The following KIF26B variants were observed in gnomAD, a reference collection of about 807,000 sequenced individuals.
KIF26B encodes the protein kinesin family member 26B.
In KIF26B, 63 loss-of-function variants were observed where a neutral mutation model predicts 151.2. The observed-to-expected ratio is 0.42, with a 90% CI of 0.34 to 0.51. The LOEUF (loss-of-function observed/expected upper bound fraction) is 0.51. Ranked by LOEUF, KIF26B falls within the 20% of genes least tolerant of loss-of-function variation. The pLI, the probability that KIF26B is intolerant of heterozygous loss-of-function variation, is 0.07. For missense variants in KIF26B, 2,813 were observed against 2,913.6 expected (o/e 0.97, Z 0.79); for synonymous variants, 1,357 against 1,262.1 (o/e 1.08, Z -1.59).
At chr1:245,546,220 GTT>G (rs1295064451) in intron 5 of KIF26B, among the ~76,000 whole-genome samples, 3 of 151,196 alleles carry the variant, frequency 2.0e-5, no homozygotes, top group African/African-American at 7.3e-5. Context: ...TGTTTTTTTT[GTT>G]TTTTGTTTTT....
At chr1:245,325,198 G>T (rs1558389415) in intron 2 of KIF26B, among the ~76,000 whole-genome samples, 1 of 151,700 alleles carries the variant, frequency 6.6e-6, no homozygotes, top group Non-Finnish European at 1.5e-5. Context: ...TTCCATATCT[G>T]TGTACCCATG....
chr1:245,470,898 T>C (rs1558179326), intron 4 of KIF26B, among the ~76,000 whole-genome samples: 1 of 151,890 alleles, frequency 6.6e-6, no homozygotes, highest in Admixed American at 6.6e-5. Flanking sequence ...CAATTTCATA[T>C]TCTCTCTCTC....
chr1:245,462,637 G>A (rs1659675639), intron 4 of KIF26B, among the ~76,000 whole-genome samples: 1 of 152,138 alleles, frequency 6.6e-6, no homozygotes, highest in Admixed American at 6.6e-5. Context: ...CCCTGTATCA[G>A]GTACTCCCAA....
chr1:245,677,922 G>T (rs1195267812), intron 10 of KIF26B, among the ~76,000 whole-genome samples: 4 of 152,242 alleles, frequency 2.6e-5, no homozygotes, highest in Non-Finnish European at 5.9e-5. Context: ...GCTGGTGATG[G>T]TTTCCCTTGA....
At chr1:245,440,202 CAG>C (rs1463659271) in intron 4 of KIF26B, among the ~76,000 whole-genome samples, 2 of 150,806 alleles carry the variant, frequency 1.3e-5, no homozygotes, top group African/African-American at 2.4e-5. Context: ...GCCTGGGCGA[CAG>C]AGCCAGACTC....
chr1:245,412,066 TAA>T (rs1248904030), intron 3 of KIF26B, among the ~76,000 whole-genome samples: 3 of 152,218 alleles, frequency 2.0e-5, no homozygotes, highest in African/African-American at 4.8e-5. Context: ...TGGCATATTC[TAA>T]GAGCATAACG....
At chr1:245,302,749 G>C (rs140752528) in intron 2 of KIF26B, among the ~76,000 whole-genome samples, 1 of 152,188 alleles carries the variant, frequency 6.6e-6, no homozygotes, top group East Asian at 1.9e-4. Flanking sequence ...CCAGCACTTT[G>C]GGAGGCCAAG....
At chr1:245,296,198 G>C (rs1671334143) in intron 2 of KIF26B, among the ~76,000 whole-genome samples, 1 of 150,846 alleles carries the variant, frequency 6.6e-6, no homozygotes, top group Non-Finnish European at 1.5e-5. Flanking sequence ...TTATGGGCTA[G>C]GATATTTACC....
chr1:245,424,150 T>G (rs1393219945), intron 4 of KIF26B, among the ~76,000 whole-genome samples: 1 of 151,948 alleles, frequency 6.6e-6, no homozygotes, highest in East Asian at 1.9e-4. Flanking sequence ...GGCCTAAAAT[T>G]TATTCATTTA....
intron 3 of KIF26B, among the ~76,000 whole-genome samples, chr1:245,385,986 C>T (rs574459245): frequency 5.9e-5 from 9 of 152,104 alleles, no homozygotes; most frequent in African/African-American, 1.4e-4. Flanking sequence ...AGCTATTAAC[C>T]GGTGCAGAGA....
chr1:245,675,971 A>G (rs1380147894), intron 10 of KIF26B, among the ~76,000 whole-genome samples: 2 of 152,166 alleles, frequency 1.3e-5, no homozygotes, highest in African/African-American at 2.4e-5. Context: ...CACAGGCTGT[A>G]CTGGGATATG....
intron 5 of KIF26B, among the ~76,000 whole-genome samples, chr1:245,586,869 G>C (rs1348086659): frequency 6.7e-6 from 1 of 148,334 alleles, no homozygotes; most frequent in Non-Finnish European, 1.5e-5. Flanking sequence ...GTCCGGCCTG[G>C]GTGACAGAGC....
intron 10 of KIF26B, among the ~76,000 whole-genome samples, chr1:245,677,019 G>T (rs1281948891): frequency 2.6e-5 from 4 of 152,210 alleles, no homozygotes; most frequent in Non-Finnish European, 5.9e-5. Context: ...CTCAAATGAT[G>T]CTGCTTGCAC....
chr1:245,480,275 G>GC (rs965908054), intron 4 of KIF26B, among the ~76,000 whole-genome samples: 5 of 106,198 alleles, frequency 4.7e-5, no homozygotes, highest in African/African-American at 1.5e-4. Context: ...ACCCTGTCTC[G>GC]GGGGGGAGGA....
At chr1:245,546,187 TTTTG>T (rs1328976051) in intron 5 of KIF26B, among the ~76,000 whole-genome samples, 10 of 152,242 alleles carry the variant, frequency 6.6e-5, no homozygotes, top group African/African-American at 2.2e-4. Flanking sequence ...TACTGTGGTT[TTTTG>T]TTTGTTTGGT....
intron 5 of KIF26B, among the ~76,000 whole-genome samples, chr1:245,542,383 C>G (rs1572115563): frequency 1.3e-5 from 2 of 152,218 alleles, no homozygotes; most frequent in East Asian, 3.8e-4. Context: ...GCAGTGCCTC[C>G]TCTGAGGGGA....
intron 4 of KIF26B, among the ~76,000 whole-genome samples, chr1:245,424,592 A>C (rs1360650565): frequency 3.3e-5 from 5 of 152,198 alleles, no homozygotes; most frequent in Non-Finnish European, 7.3e-5. Flanking sequence ...TAAAATAAGA[A>C]TTTCAATTTT....
chr1:245,422,722 T>C (rs1311412740), intron 4 of KIF26B, among the ~76,000 whole-genome samples: 2 of 152,192 alleles, frequency 1.3e-5, no homozygotes, highest in Non-Finnish European at 2.9e-5. Flanking sequence ...TTGACTGCAA[T>C]GGAGAGAGAG....
At chr1:245,440,170 G>A (rs1202744865) in intron 4 of KIF26B, among the ~76,000 whole-genome samples, 1 of 151,772 alleles carries the variant, frequency 6.6e-6, no homozygotes, top group Non-Finnish European at 1.5e-5. Flanking sequence ...GCAGTGAGCC[G>A]AGATCGTGCC....
Sources: gnomAD v4.1 joint callset for allele counts (sites outside exome capture counted in the v4.1 genomes callset) on GRCh38, gnomAD v4.1.1 for gene constraint, MANE v1.5 for transcripts, NCBI Gene and HGNC (gene_info 2026-07-23, HGNC 2026-07-21) for gene names.